The following ANKS1A variants were observed in gnomAD, a reference collection of about 807,000 sequenced individuals.
ANKS1A encodes ankyrin repeat and sterile alpha motif domain containing 1A.
In ANKS1A, 55 loss-of-function variants were observed where a neutral mutation model predicts 120.3. That is an observed-to-expected ratio of 0.46 (90% CI 0.37 to 0.57). The LOEUF is 0.57. Ranked by LOEUF, ANKS1A falls within the 20% of genes least tolerant of loss-of-function variation. The pLI, the probability that ANKS1A is intolerant of heterozygous loss-of-function variation, is 0.00. For synonymous variants in ANKS1A, 590 were observed against 604.7 expected (o/e 0.98, Z 0.36); for missense variants, 1,123 against 1,480.3 (o/e 0.76, Z 3.96).
intron 11 of ANKS1A, among the ~76,000 whole-genome samples, chr6:35,042,535 C>T (rs1291033554): frequency 6.6e-6 from 1 of 152,160 alleles, no homozygotes; most frequent in East Asian, 1.9e-4. Context: ...GCTGAAGAGG[C>T]GTGTCCATGT....
intron 1 of ANKS1A, among the ~76,000 whole-genome samples, chr6:34,920,414 G>A (rs1317145033): frequency 6.6e-6 from 1 of 151,984 alleles, no homozygotes; most frequent in Non-Finnish European, 1.5e-5. Flanking sequence ...TGGGGGTCTT[G>A]CTCTGTTGCC....
Position 35,089,361 on chromosome 6 carries a change from C to T in ANKS1A, c.*752C>T, listed in dbSNP as rs937441381. On this transcript the variant is annotated 3_prime_UTR_variant, in exon 24 of 24. Transcript: ENST00000360359. ...TGGGAAGTCTTAGCCAGCACCAGAG[C>T]GCCAGGCCTCTCCCTGGCCTCTTAC... 1.3e-5 allele frequency: 13 copies of T among 986,566 alleles called. No individual in the cohort carries two copies. Among genetic ancestry groups the T allele is most frequent in the Non-Finnish European group, 1.6e-5 (13 of 830,580 alleles). 61.1% of individuals were successfully genotyped at this position (986,566 alleles called of 1,614,324 possible).
chr6:34,955,505 T>C (rs1770317675), intron 1 of ANKS1A, among the ~76,000 whole-genome samples: 1 of 152,198 alleles, frequency 6.6e-6, no homozygotes, highest in African/African-American at 2.4e-5. Context: ...TTAAGTATTC[T>C]TTTTTTACAT....
At chr6:34,915,757 GA>G (rs1458781538) in intron 1 of ANKS1A, among the ~76,000 whole-genome samples, 2 of 152,102 alleles carry the variant, frequency 1.3e-5, no homozygotes, top group Admixed American at 6.5e-5. Context: ...TGAAGTGAAA[GA>G]AAAGGCTTGC....
chr6:34,984,513 A>G (rs1772078641), intron 7 of ANKS1A, among the ~76,000 whole-genome samples: 1 of 152,138 alleles, frequency 6.6e-6, no homozygotes, highest in Non-Finnish European at 1.5e-5. Context: ...AACCTCTTCA[A>G]GGATTTTACA....
At position 34,952,163 on chromosome 6, in the gene ANKS1A, C is replaced by G. The variant is rs575855101; in HGVS notation, c.198-15076C>G. Among the ~76,000 whole-genome samples the G allele has an allele frequency of 4.6e-5, 7 of 152,236 alleles. No individual in the cohort carries two copies. In the South Asian group the frequency reaches 6.2e-4, roughly 14 times the overall value. Reference sequence around the variant, plus strand: ...TATTTCCGTCCATGCTTGTCAATTTCCTAGGGTTTCCTTACAGAGTTCTTA... The same window carrying G: ...TATTTCCGTCCATGCTTGTCAATTTGCTAGGGTTTCCTTACAGAGTTCTTA... On this transcript the variant is annotated intron_variant, in intron 1 of 23. Coordinates refer to ENST00000360359, the MANE Select transcript of ANKS1A (RefSeq NM_015245.3).
chr6:34,921,723 G>T (rs965039793), intron 1 of ANKS1A, among the ~76,000 whole-genome samples: 3 of 152,120 alleles, frequency 2.0e-5, no homozygotes, highest in African/African-American at 7.2e-5. Context: ...GAAGACTTTG[G>T]GTCTCACTTT....
chr6:34,965,319 TTGTC>T (rs1022801049), intron 1 of ANKS1A, among the ~76,000 whole-genome samples: 7 of 152,230 alleles, frequency 4.6e-5, no homozygotes, highest in African/African-American at 9.6e-5. Context: ...TTATAATAAT[TTGTC>T]TGTTGATGCC....
At position 34,889,511 on chromosome 6, in the gene ANKS1A, G is replaced by T; in HGVS notation, c.109G>T (p.Gly37Cys). The T allele has an allele frequency of 7.8e-7, 1 of 1,274,896 alleles. No homozygotes were observed. Among genetic ancestry groups the T allele is most frequent in the Non-Finnish European group, 9.8e-7 (1 of 1,019,960 alleles). 79.0% of individuals were successfully genotyped at this position (1,274,896 alleles called of 1,614,324 possible). The stretch of plus-strand genomic sequence containing the variant: ...CTCCTCAGGCTTTGGGGGCGGCGGC[G>T]GCGGTGGCTCTGGGGGCGGCGGCGG... ...RLSSGFGGGG[G>C]GGSGGGGGGS... Residue 37 changes from glycine (G) to cysteine (C), a missense_variant, in exon 1 of 24, where the codon GGC (glycine) becomes TGC (cysteine). By Grantham distance (159) the Gly-to-Cys change is radical (BLOSUM62 -3). This residue lies in a region of ANKS1A where 73 missense variants were observed against 82.2 expected (regional missense o/e 0.89). Transcript: ENST00000360359. The surrounding 1 kb of genome is among the most constrained non-coding windows in gnomAD (Gnocchi z 5.5).
intron 3 of ANKS1A, 45 bp from the exon 4 acceptor site, chr6:34,981,645 T>C (rs758924976): frequency 3.2e-6 from 5 of 1,584,942 alleles, no homozygotes; most frequent in Admixed American, 3.4e-5. Context: ...CAGGTGCCTG[T>C]CTGCCAGTGA....
At position 35,085,836 on chromosome 6, in the gene ANKS1A, C is replaced by A. The variant is rs1005704869; in HGVS notation, c.3203C>A (p.Ala1068Asp). 5 of 1,613,664 alleles carry A rather than the reference C, an allele frequency of 3.1e-6. No individual in the cohort carries two copies. The highest frequency in any genetic ancestry group is 4.2e-6 in the Non-Finnish European group (5 of 1,179,836). The change falls in exon 22 of 24, where the codon GCC becomes GAC. Residue 1068 changes from alanine (A) to aspartate (D), a missense_variant. Physicochemically the swap from Ala to Asp is moderately radical, Grantham distance 126. Around this residue, in one of 3 missense-constraint regions of ANKS1A, gnomAD observed 904 missense variants for 1,130.4 expected, o/e 0.80. Coordinates refer to ENST00000360359, the MANE Select transcript of ANKS1A (RefSeq NM_015245.3). This position sits in a 1 kb window ranked among gnomAD's most constrained non-coding sequence, Gnocchi z 4.7. ...GTGGCCTATCAGTTGGCCCTGCAGG[C>A]CCAGAAGTCCAGGGCGACGGGCGCC... ...FEVAYQLALQ[A>D]QKSRATGASA...
chr6:34,908,513 T>C (rs2127454728), intron 1 of ANKS1A, among the ~76,000 whole-genome samples: 1 of 152,302 alleles, frequency 6.6e-6, no homozygotes, highest in South Asian at 2.1e-4. Flanking sequence ...TTTCTAAGCC[T>C]GAGAGAGAGA....
At chr6:35,013,971 C>T (rs1450744319) in intron 10 of ANKS1A, among the ~76,000 whole-genome samples, 1 of 152,190 alleles carries the variant, frequency 6.6e-6, no homozygotes, top group East Asian at 1.9e-4. Context: ...GTGCTAGACA[C>T]GGTTCTTAAT....
At position 34,930,446 on chromosome 6, in the gene ANKS1A, G is replaced by T. The variant is rs1035529439; in HGVS notation, c.198-36793G>T. Among the ~76,000 whole-genome samples the T allele has an allele frequency of 3.3e-5, 5 of 152,278 alleles. No individual in the cohort carries two copies. The East Asian group carries it at 7.7e-4, about 24-fold the overall frequency. The stretch of plus-strand genomic sequence containing the variant: ...CCTTAGCAGAACAGGGTTCAGACTC[G>T]GCCCTGTTGCACATTCCCTGTGTGT... On this transcript the variant is annotated intron_variant, in intron 1 of 23. Transcript: ENST00000360359.
chr6:34,957,337 C>T (rs1770424480), intron 1 of ANKS1A, among the ~76,000 whole-genome samples: 1 of 152,178 alleles, frequency 6.6e-6, no homozygotes, highest in Admixed American at 6.5e-5. Flanking sequence ...GTTTCATAGA[C>T]TCCTTGTATC....
chr6:35,021,527 A>G (rs919478350), intron 11 of ANKS1A, among the ~76,000 whole-genome samples: 70 of 152,196 alleles, frequency 4.6e-4, no homozygotes, highest in African/African-American at 1.7e-3. Flanking sequence ...AGGCAGTTAG[A>G]TCTGTGTTTC....
intron 1 of ANKS1A, among the ~76,000 whole-genome samples, chr6:34,955,542 G>T (rs1770318862): frequency 6.6e-6 from 1 of 152,138 alleles, no homozygotes; most frequent in African/African-American, 2.4e-5. Context: ...AGTTGATCAT[G>T]TTGGTTTCGT....
intron 9 of ANKS1A, among the ~76,000 whole-genome samples, chr6:34,991,547 C>T (rs1772518374): frequency 1.4e-4 from 2 of 14,414 alleles, no homozygotes; most frequent in South Asian, 1.9e-3. Flanking sequence ...TATATACACA[C>T]ACACACACAC....
chr6:35,066,082 G>A (rs1475896579), intron 13 of ANKS1A, among the ~76,000 whole-genome samples: 1 of 152,176 alleles, frequency 6.6e-6, no homozygotes, highest in South Asian at 2.1e-4. Context: ...CTTTCGGCAG[G>A]TTACCCTTCC....
Sources: allele counts gnomAD v4.1 joint callset (sites outside exome capture counted in the v4.1 genomes callset), GRCh38; gene constraint gnomAD v4.1.1; regional missense constraint gnomAD v4.1.1; non-coding constraint Gnocchi (gnomAD v3.1); transcripts MANE v1.5; gene names NCBI Gene and HGNC (gene_info 2026-07-23, HGNC 2026-07-21).